PITPNC1: variants seen among roughly 807,000 people sequenced by gnomAD.
PITPNC1 encodes the protein phosphatidylinositol transfer protein cytoplasmic 1.
PITPNC1 carries 18 observed loss-of-function variants against 44.7 expected under a neutral mutation model. That is an observed-to-expected ratio of 0.40 (90% confidence interval 0.28 to 0.60). PITPNC1 has a LOEUF of 0.60. PITPNC1 is among the 20% of genes least tolerant of loss of function. The pLI is 0.39. For synonymous variants in PITPNC1, 141 were observed against 149.6 expected, an observed-to-expected ratio of 0.94 and a Z score of 0.42; for missense variants, 290 against 418.4, an observed-to-expected ratio of 0.69 and a Z score of 2.68.
chr17:67,465,663 G>A (rs920217959), intron 1 of PITPNC1, among the ~76,000 whole-genome samples: 1 of 152,148 alleles, frequency 6.6e-6, no homozygotes, highest in Non-Finnish European at 1.5e-5. Context: ...GGGAAATGAG[G>A]CTCCTCTCTG....
intron 6 of PITPNC1, among the ~76,000 whole-genome samples, chr17:67,636,173 C>T (rs998644289): frequency 6.6e-6 from 1 of 150,928 alleles, no homozygotes; most frequent in Admixed American, 6.7e-5. Context: ...TGGTAGGTGC[C>T]TGTAATTCCA....
At chr17:67,543,785 T>C (rs996711039) in intron 2 of PITPNC1, among the ~76,000 whole-genome samples, 3 of 152,220 alleles carry the variant, frequency 2.0e-5, no homozygotes, top group Non-Finnish European at 2.9e-5. Flanking sequence ...TACATTATGA[T>C]GGTTGCCTAA....
At chr17:67,517,157 C>G (rs1183687131) in intron 1 of PITPNC1, among the ~76,000 whole-genome samples, 2 of 152,230 alleles carry the variant, frequency 1.3e-5, no homozygotes, top group Non-Finnish European at 2.9e-5. Context: ...GATCGTTGTT[C>G]AATGGATGAT....
chr17:67,584,724 C>T (rs1333763170), intron 5 of PITPNC1, among the ~76,000 whole-genome samples: 1 of 152,146 alleles, frequency 6.6e-6, no homozygotes, highest in Non-Finnish European at 1.5e-5. Context: ...CTGATTTTGT[C>T]TCAAGTGTCA....
chr17:67,607,506 A>G (rs967678551), intron 5 of PITPNC1, among the ~76,000 whole-genome samples: 3 of 152,178 alleles, frequency 2.0e-5, no homozygotes, highest in Non-Finnish European at 4.4e-5. Context: ...AAACCAGCAC[A>G]AGATTTTTTG....
At chr17:67,420,172 CTT>C (rs2038650362) in intron 1 of PITPNC1, among the ~76,000 whole-genome samples, 2 of 152,250 alleles carry the variant, frequency 1.3e-5, no homozygotes, top group South Asian at 4.1e-4. Flanking sequence ...ATTAGTGAGT[CTT>C]TTCATGACAA....
At chr17:67,619,967 A>G (rs1263264751) in intron 5 of PITPNC1, among the ~76,000 whole-genome samples, 1 of 152,138 alleles carries the variant, frequency 6.6e-6, no homozygotes, top group African/African-American at 2.4e-5. Context: ...AGTGTCACCA[A>G]GGCCCAAAGA....
At chr17:67,666,246 T>C (rs933345074) in intron 6 of PITPNC1, among the ~76,000 whole-genome samples, 1 of 152,224 alleles carries the variant, frequency 6.6e-6, no homozygotes, top group Non-Finnish European at 1.5e-5. Flanking sequence ...TCCTCCTGCC[T>C]TGGCCTCACA....
chr17:67,403,218 C>CAAAAAAAAAAAAAAAAAA lies in PITPNC1; in HGVS notation c.48+25022_48+25039dup, dbSNP rs34768084. Among the ~76,000 whole-genome samples, 16 of 68,956 alleles carry CAAAAAAAAAAAAAAAAAA rather than the reference C, an allele frequency of 2.3e-4. 2 individuals carry two copies. The highest frequency in any genetic ancestry group is 7.3e-4 in the African/African-American group (14 of 19,114). The allele number at this position is 68,956 out of a possible 152,430, so 45.2% of individuals were successfully genotyped here. On this transcript the variant is annotated intron_variant, in intron 1 of 8. Transcript: ENST00000581322. ...GGCAACACAGTGGACCTCATCTCTA[C>CAAAAAAAAAAAAAAAAAA]AAAAAAAAAAAAAAAAAAAAAAAGT...
intron 1 of PITPNC1, among the ~76,000 whole-genome samples, chr17:67,510,327 C>G (rs1428025261): frequency 6.6e-6 from 1 of 152,176 alleles, no homozygotes; most frequent in African/African-American, 2.4e-5. Flanking sequence ...ACCATGTGGC[C>G]CACTTTCAGG....
chr17:67,564,337 G>A (rs1290789226), intron 4 of PITPNC1, among the ~76,000 whole-genome samples: 1 of 152,158 alleles, frequency 6.6e-6, no homozygotes, highest in African/African-American at 2.4e-5. Context: ...TTAGAACCAG[G>A]GGAGCCGCGA....
chr17:67,614,131 T>C (rs1754139923), intron 5 of PITPNC1, among the ~76,000 whole-genome samples: 2 of 151,306 alleles, frequency 1.3e-5, no homozygotes, highest in African/African-American at 4.9e-5. Context: ...GCGCTAGGCT[T>C]GTGGGTGCTT....
intron 1 of PITPNC1, among the ~76,000 whole-genome samples, chr17:67,443,568 C>G (rs2039047895): frequency 6.7e-6 from 1 of 149,826 alleles, no homozygotes; most frequent in African/African-American, 2.5e-5. Flanking sequence ...AAGGCAGGAA[C>G]AGCAACCATA....
intron 4 of PITPNC1, among the ~76,000 whole-genome samples, chr17:67,562,079 C>T (rs2144191197): frequency 6.6e-6 from 1 of 152,310 alleles, no homozygotes; most frequent in African/African-American, 2.4e-5. Flanking sequence ...CATGATTATC[C>T]TAGAAGTGCA....
rs189432342 is a variant in PITPNC1 at position 67,459,181 on chromosome 17, G to C, written c.49-73621G>C. Among the ~76,000 whole-genome samples the C allele has an allele frequency of 2.6e-4, 32 of 122,362 alleles. No homozygotes were observed. The East Asian group carries it at 8.5e-3, about 32-fold the overall frequency. The allele number at this position is 122,362 out of a possible 152,430, so 80.3% of individuals were successfully genotyped here. ...CGCCCAGGCTGGAGTGCAATGGCTT[G>C]ATCTTGGCTCACTGCATCCTCCGCC... On this transcript the variant is annotated intron_variant, in intron 1 of 8. Transcript: ENST00000581322.
intron 1 of PITPNC1, among the ~76,000 whole-genome samples, chr17:67,488,162 G>A (rs1357241878): frequency 4.6e-5 from 7 of 152,132 alleles, no homozygotes; most frequent in Non-Finnish European, 8.8e-5. Context: ...TCAACCCATC[G>A]CAGAAAAATA....
In PITPNC1 at chr17:67,572,137, C is replaced by T. The variant is rs560728795; in HGVS notation, c.295-6049C>T. ...TTTTTCTGTTTTAGCCAATGGCTGA[C>T]GACCCTAGTGTCTCTCTTCTTGGAG... On this transcript the variant is annotated intron_variant, in intron 4 of 8. Coordinates refer to ENST00000581322, the MANE Select transcript of PITPNC1 (RefSeq NM_012417.4). Among the ~76,000 whole-genome samples the T allele has an allele frequency of 7.9e-5, 12 of 152,272 alleles. No homozygotes were observed. The South Asian group carries it at 8.3e-4, about 11-fold the overall frequency.
At chr17:67,589,394 C>CA (rs1299305035) in intron 5 of PITPNC1, among the ~76,000 whole-genome samples, 1 of 152,160 alleles carries the variant, frequency 6.6e-6, no homozygotes, top group African/African-American at 2.4e-5. Context: ...GCCTGATTCA[C>CA]AGGTGCTGTG....
chr17:67,657,480 T>G (rs2042285222), intron 6 of PITPNC1, among the ~76,000 whole-genome samples: 1 of 152,064 alleles, frequency 6.6e-6, no homozygotes, highest in South Asian at 2.1e-4. Flanking sequence ...GTAAATGTAG[T>G]GGAAAGAACA....
Sources: gnomAD v4.1 joint callset for allele counts (sites outside exome capture counted in the v4.1 genomes callset) on GRCh38, gnomAD v4.1.1 for gene constraint, MANE v1.5 for transcripts, NCBI Gene and HGNC (gene_info 2026-07-23, HGNC 2026-07-21) for gene names.